The following NCAM2 variants were observed in gnomAD, a reference collection of about 807,000 sequenced individuals.
NCAM2 encodes the protein N-CAM-2.
NCAM2 carries 30 observed loss-of-function variants against 98.1 expected under a neutral mutation model. The observed-to-expected ratio is 0.31, with a 90% CI of 0.23 to 0.41. NCAM2 has a LOEUF of 0.41. NCAM2 is among the 10% of genes least tolerant of loss of function. NCAM2 has a pLI of 1.00. For missense variants in NCAM2, 867 were observed against 1,005.8 expected, an observed-to-expected ratio of 0.86 and a Z score of 1.87; for synonymous variants, 368 against 342.4, an observed-to-expected ratio of 1.07 and a Z score of -0.83.
intron 1 of NCAM2, among the ~76,000 whole-genome samples, chr21:21,274,869 G>C (rs561953631): frequency 2.0e-5 from 3 of 152,268 alleles, no homozygotes; most frequent in East Asian, 1.9e-4. Flanking sequence ...GGCTGGTTCA[G>C]TTGTCAGTTT....
chr21:21,338,261 C>A, intron 7 of NCAM2, 128 bp from the exon 8 acceptor site: 1 of 847,330 alleles, frequency 1.2e-6, no homozygotes, highest in Non-Finnish European at 1.7e-6. Flanking sequence ...CAAAGCAGGC[C>A]ACTGTAATTC....
intron 8 of NCAM2, among the ~76,000 whole-genome samples, chr21:21,372,125 A>G (rs1029101632): frequency 3.9e-5 from 6 of 151,920 alleles, no homozygotes; most frequent in African/African-American, 1.4e-4. Flanking sequence ...ATGACACATT[A>G]TATAATTTCA....
chr21:21,102,340 T>C (rs74889389), intron 1 of NCAM2, among the ~76,000 whole-genome samples: 4 of 152,232 alleles, frequency 2.6e-5, no homozygotes, highest in African/African-American at 9.6e-5. Context: ...TATTTTTTAA[T>C]TTAAAGGGGT....
At chr21:21,285,061 C>A (rs187723784) in intron 3 of NCAM2, among the ~76,000 whole-genome samples, 15 of 151,848 alleles carry the variant, frequency 9.9e-5, no homozygotes, top group East Asian at 3.9e-4. Context: ...TGACCTTGAG[C>A]AAATCATGTA....
chr21:21,068,766 TC>T (rs577097848), intron 1 of NCAM2, among the ~76,000 whole-genome samples: 82 of 152,322 alleles, frequency 5.4e-4, no homozygotes, highest in African/African-American at 1.9e-3. Flanking sequence ...GTTATTACGC[TC>T]CTCTTTTGTA....
At chr21:21,252,212 G>A (rs193108152) in intron 1 of NCAM2, among the ~76,000 whole-genome samples, 2 of 152,072 alleles carry the variant, frequency 1.3e-5, no homozygotes, top group African/African-American at 2.4e-5. Flanking sequence ...AGATGCTGGC[G>A]AGGCTGTGGA....
chr21:21,027,530 G>A (rs1172829402), intron 1 of NCAM2, among the ~76,000 whole-genome samples: 2 of 152,192 alleles, frequency 1.3e-5, no homozygotes, highest in South Asian at 2.1e-4. Context: ...ACAGCACTTC[G>A]TTATATTATT....
chr21:21,242,081 T>C (rs1183203975), intron 1 of NCAM2, among the ~76,000 whole-genome samples: 1 of 152,176 alleles, frequency 6.6e-6, no homozygotes, highest in Non-Finnish European at 1.5e-5. Flanking sequence ...TTTCTGGAAT[T>C]ACATTAAGTG....
rs185948890 is a variant in NCAM2, at chr21:21,284,180, A to T, written c.131-14A>T. The T allele has an allele frequency of 6.3e-7, 1 of 1,593,742 alleles. No individual in the cohort carries two copies. Among genetic ancestry groups the T allele is most frequent in the Non-Finnish European group, 8.6e-7 (1 of 1,162,072 alleles). ...AACAATTTTCAAACCTTTATTTTCCATGGCTCTTTGCAGCGATTGGTGAAC... is the reference window on the plus strand; with the variant it reads ...AACAATTTTCAAACCTTTATTTTCCTTGGCTCTTTGCAGCGATTGGTGAAC... On this transcript the variant is annotated splice_polypyrimidine_tract_variant and intron_variant, in intron 2 of 17. Coordinates refer to ENST00000400546, the MANE Select transcript of NCAM2 (RefSeq NM_004540.5).
rs78989891 is a variant in NCAM2, at chr21:21,224,639, T to C, written c.56-55939T>C. ...TAAAATTAATATAAAGAGAATATTA[T>C]CTATACAGTGGCAATATTTGGTAAA... is the stretch of plus-strand genomic sequence containing the variant. On this transcript the variant is annotated intron_variant, in intron 1 of 17. Coordinates refer to ENST00000400546, the MANE Select transcript of NCAM2 (RefSeq NM_004540.5). 6.0e-3 allele frequency among the ~76,000 whole-genome samples: 918 copies of C among 152,220 alleles called. 34 individuals carry two copies. In the East Asian group the frequency reaches 0.1, roughly 17 times the overall value.
chr21:21,497,899 G>A, intron 15 of NCAM2, among the ~76,000 whole-genome samples: 1 of 152,078 alleles, frequency 6.6e-6, no homozygotes, highest in Non-Finnish European at 1.5e-5. Context: ...ATTTATTTAA[G>A]TAATGTTGAA....
chr21:21,529,195 T>C (rs1251373778), intron 16 of NCAM2, among the ~76,000 whole-genome samples: 1 of 152,036 alleles, frequency 6.6e-6, no homozygotes, highest in African/African-American at 2.4e-5. Flanking sequence ...GAGTGAAATA[T>C]TACATGAATA....
intron 1 of NCAM2, among the ~76,000 whole-genome samples, chr21:21,090,632 A>C (rs529492218): frequency 1.3e-5 from 2 of 152,294 alleles, no homozygotes; most frequent in Non-Finnish European, 2.9e-5. Context: ...TTTAAAACTT[A>C]AGTTGAAACG....
At chr21:21,441,483 A>G (rs1196458665) in intron 12 of NCAM2, among the ~76,000 whole-genome samples, 1 of 152,220 alleles carries the variant, frequency 6.6e-6, no homozygotes, top group African/African-American at 2.4e-5. Context: ...ATGCTTTCAA[A>G]TATTTGGACT....
chr21:21,360,403 T>A (rs985473191), intron 8 of NCAM2, among the ~76,000 whole-genome samples: 1 of 152,020 alleles, frequency 6.6e-6, no homozygotes, highest in African/African-American at 2.4e-5. Flanking sequence ...TATGATAGCA[T>A]CAATGCTTCT....
chr21:21,507,288 A>G (rs752785680), intron 15 of NCAM2, among the ~76,000 whole-genome samples: 8 of 152,158 alleles, frequency 5.3e-5, no homozygotes, highest in Non-Finnish European at 8.8e-5. Flanking sequence ...TCATTATTAA[A>G]ATATTAAACC....
At chr21:21,050,331 T>C (rs1479406954) in intron 1 of NCAM2, among the ~76,000 whole-genome samples, 1 of 152,094 alleles carries the variant, frequency 6.6e-6, no homozygotes, top group African/African-American at 2.4e-5. Flanking sequence ...TTAGTAGGAG[T>C]TAAGTCAGGG....
intron 1 of NCAM2, among the ~76,000 whole-genome samples, chr21:21,134,953 C>A (rs558227467): frequency 6.6e-6 from 1 of 151,830 alleles, no homozygotes; most frequent in African/African-American, 2.4e-5. Flanking sequence ...CTTCTGAACT[C>A]GCTGGGCGCG....
chr21:21,260,367 G>C (rs2071848921), intron 1 of NCAM2, among the ~76,000 whole-genome samples: 1 of 151,888 alleles, frequency 6.6e-6, no homozygotes, highest in Admixed American at 6.6e-5. Flanking sequence ...GCAAGTTACA[G>C]TACAAGATGA....
Sources: gnomAD v4.1 joint callset for allele counts (sites outside exome capture counted in the v4.1 genomes callset) on GRCh38, gnomAD v4.1.1 for gene constraint, MANE v1.5 for transcripts, NCBI Gene and HGNC (gene_info 2026-07-23, HGNC 2026-07-21) for gene names.